The following GPC6 variants were observed in gnomAD, a reference collection of about 807,000 sequenced individuals.
The protein encoded by GPC6 is glypican-6.
A neutral mutation model predicts 55.2 loss-of-function variants in GPC6; 14 were observed. The observed-to-expected ratio is 0.25, with a 90% CI of 0.17 to 0.40. The LOEUF is 0.40. Ranked by LOEUF, GPC6 falls within the 10% of genes least tolerant of loss-of-function variation. GPC6 has a pLI of 1.00. For synonymous variants in GPC6, 278 were observed against 259.6 expected (o/e 1.07, Z -0.68); for missense variants, 641 against 708.5 (o/e 0.90, Z 1.08).
intron 4 of GPC6, among the ~76,000 whole-genome samples, chr13:94,241,077 G>T (rs906874032): frequency 1.3e-5 from 2 of 152,124 alleles, no homozygotes; most frequent in African/African-American, 4.8e-5. Context: ...TTTAGATGTG[G>T]TCATGAGGAT....
chr13:93,708,156 TTA>T (rs1168896122), intron 2 of GPC6, among the ~76,000 whole-genome samples: 1 of 151,856 alleles, frequency 6.6e-6, no homozygotes, highest in African/African-American at 2.4e-5. Context: ...GTCTAATTAT[TTA>T]CAAGATTTCC....
chr13:93,620,950 T>C (rs1031848705), intron 2 of GPC6, among the ~76,000 whole-genome samples: 1 of 152,138 alleles, frequency 6.6e-6, no homozygotes, highest in Non-Finnish European at 1.5e-5. Flanking sequence ...TGATATCTTT[T>C]CCCCCCAGTA....
At chr13:93,915,550 C>G (rs1566601379) in intron 3 of GPC6, among the ~76,000 whole-genome samples, 2 of 152,176 alleles carry the variant, frequency 1.3e-5, no homozygotes, top group Admixed American at 6.5e-5. Context: ...AATGAGAACA[C>G]TATTTATGCT....
chr13:93,391,474 A>T (rs1402374032), intron 1 of GPC6, among the ~76,000 whole-genome samples: 1 of 152,192 alleles, frequency 6.6e-6, no homozygotes, highest in Non-Finnish European at 1.5e-5. Context: ...CAGTAAAATA[A>T]ATCCACGACT....
intron 1 of GPC6, among the ~76,000 whole-genome samples, chr13:93,460,799 A>G (rs1050835073): frequency 6.6e-6 from 1 of 152,138 alleles, no homozygotes; most frequent in Non-Finnish European, 1.5e-5. Flanking sequence ...GATATGTTGC[A>G]CCTTTCTGCA....
At chr13:93,267,668 A>G (rs1027949228) in intron 1 of GPC6, among the ~76,000 whole-genome samples, 6 of 152,172 alleles carry the variant, frequency 3.9e-5, no homozygotes, top group African/African-American at 1.4e-4. Flanking sequence ...GAATTGTAGG[A>G]CTAAGATATT....
At chr13:93,875,933 G>A (rs1358729727) in intron 3 of GPC6, among the ~76,000 whole-genome samples, 4 of 152,122 alleles carry the variant, frequency 2.6e-5, no homozygotes, top group East Asian at 2.0e-4. Flanking sequence ...TTCTAACAAG[G>A]CTCAGGCATT....
At chr13:93,254,005 G>A (rs950634502) in intron 1 of GPC6, among the ~76,000 whole-genome samples, 1 of 152,152 alleles carries the variant, frequency 6.6e-6, no homozygotes, top group African/African-American at 2.4e-5. Flanking sequence ...CATTCCTTTA[G>A]CAAAAATTAG....
chr13:94,262,066 A>G (rs773541143), intron 4 of GPC6, among the ~76,000 whole-genome samples: 8 of 152,334 alleles, frequency 5.3e-5, no homozygotes, highest in Admixed American at 2.0e-4. Context: ...GCTGAGGCAA[A>G]GAAGTCTTGG....
chr13:94,153,156 T>G (rs899734194), intron 4 of GPC6, among the ~76,000 whole-genome samples: 2 of 152,156 alleles, frequency 1.3e-5, no homozygotes, highest in Non-Finnish European at 2.9e-5. Context: ...ATTTAATGAA[T>G]GTTGCCACCT....
chr13:93,538,925 A>ATTC (rs1252863614), intron 1 of GPC6, among the ~76,000 whole-genome samples: 28 of 131,558 alleles, frequency 2.1e-4, no homozygotes, highest in African/African-American at 8.3e-4. Context: ...TTATTACAAT[A>ATTC]TTCTTTTTTT....
chr13:93,843,274 T>A (rs1178315396), intron 3 of GPC6, among the ~76,000 whole-genome samples: 1 of 152,178 alleles, frequency 6.6e-6, no homozygotes, highest in East Asian at 1.9e-4. Context: ...ATGTTTAGCC[T>A]GACTCACTTT....
intron 1 of GPC6, among the ~76,000 whole-genome samples, chr13:93,314,017 G>T (rs1879161892): frequency 6.6e-6 from 1 of 152,024 alleles, no homozygotes; most frequent in Non-Finnish European, 1.5e-5. Flanking sequence ...TTTGTTCTTG[G>T]TTGTTTTCCA....
intron 4 of GPC6, among the ~76,000 whole-genome samples, chr13:94,051,260 A>G (rs1178790628): frequency 2.0e-5 from 3 of 152,130 alleles, no homozygotes; most frequent in African/African-American, 4.8e-5. Flanking sequence ...CAAGTTTTCA[A>G]ATGCATTATA....
chr13:93,950,216 T>C (rs1234124577), intron 3 of GPC6, among the ~76,000 whole-genome samples: 4 of 152,198 alleles, frequency 2.6e-5, no homozygotes, highest in African/African-American at 7.2e-5. Flanking sequence ...AGATGATACT[T>C]AAGTGTCCAG....
chr13:93,304,221 G>A (rs1402027578), intron 1 of GPC6, among the ~76,000 whole-genome samples: 1 of 152,090 alleles, frequency 6.6e-6, no homozygotes, highest in Non-Finnish European at 1.5e-5. Context: ...TGCAAGGGGA[G>A]GTGTTTGTTG....
intron 4 of GPC6, among the ~76,000 whole-genome samples, chr13:94,132,256 T>C (rs1325567701): frequency 2.0e-5 from 3 of 152,186 alleles, no homozygotes; most frequent in Admixed American, 6.5e-5. Flanking sequence ...TTCTTATAAA[T>C]GTATTTGGTA....
intron 2 of GPC6, among the ~76,000 whole-genome samples, chr13:93,638,830 T>TA (rs1356060929): frequency 1.1e-4 from 17 of 152,136 alleles, no homozygotes; most frequent in African/African-American, 3.6e-4. Context: ...TATCTCAAAA[T>TA]AACTGGTTAA....
In GPC6 at chr13:94,405,597, G is replaced by A. The variant is rs1436956624; in HGVS notation, c.*2380G>A. ...TTCACCCCCAAAAGGTTTTGTGCAT[G>A]TGTATGAATACACATAATATTAGTG... On this transcript the variant is annotated 3_prime_UTR_variant, in exon 9 of 9. Transcript: ENST00000377047. The A allele has an allele frequency of 1.3e-5, 2 of 152,152 alleles. No individual in the cohort carries two copies. Among genetic ancestry groups the A allele is most frequent in the African/African-American group, 4.8e-5 (2 of 41,428 alleles). 9.4% of individuals were successfully genotyped at this position (152,152 alleles called of 1,614,324 possible).
Sources: allele counts gnomAD v4.1 joint callset (sites outside exome capture counted in the v4.1 genomes callset), GRCh38; gene constraint gnomAD v4.1.1; transcripts MANE v1.5; gene names NCBI Gene and HGNC (gene_info 2026-07-23, HGNC 2026-07-21).